Variants in OR2AJ1 observed in about 807,000 individuals in gnomAD.
OR2AJ1 encodes olfactory receptor 2AJ1.
For synonymous variants in OR2AJ1, 105 were observed against 60.3 expected, an observed-to-expected ratio of 1.74 and a Z score of -3.44; for missense variants, 280 against 163.2, an observed-to-expected ratio of 1.72 and a Z score of -3.90.
intron 1 of OR2AJ1, among the ~76,000 whole-genome samples, chr1:247,928,564 T>G (rs753725958): frequency 8.5e-5 from 13 of 152,184 alleles, no homozygotes; most frequent in Non-Finnish European, 1.6e-4. Context: ...GTCTTAGAGA[T>G]AAAATCTTTT....
At chr1:247,932,416 G>T (rs192327987) in intron 1 of OR2AJ1, among the ~76,000 whole-genome samples, 51 of 152,226 alleles carry the variant, frequency 3.4e-4, no homozygotes, top group Non-Finnish European at 2.4e-4. Flanking sequence ...CTTCATTGAG[G>T]TGCTTATCTT....
intron 1 of OR2AJ1, among the ~76,000 whole-genome samples, chr1:247,926,005 A>G (rs977098809): frequency 4.6e-5 from 7 of 152,190 alleles, no homozygotes; most frequent in African/African-American, 1.7e-4. Flanking sequence ...TATAATCTGC[A>G]TACATACATA....
chr1:247,929,961 C>G (rs116059743), intron 1 of OR2AJ1, among the ~76,000 whole-genome samples: 4,385 of 152,180 alleles, frequency 0.029, 176 homozygotes, highest in African/African-American at 0.092. Context: ...CATGTCTGCT[C>G]TAGATAAAGT....
At position 247,934,132 on chromosome 1, in the gene OR2AJ1, C is replaced by T. The variant is rs866152293; in HGVS notation, c.364C>T (p.Arg122Cys). Residue 122 changes from arginine to cysteine, a missense_variant, in exon 2 of 2, where the codon CGC becomes TGC. Coordinates refer to ENST00000318244, the MANE Select transcript of OR2AJ1 (RefSeq NM_001355235.2). ...CLLLAAMSCD[R>C]YVAICHPLRY... Reference sequence around the variant, plus strand: ...TCTCCTGGCTGCAATGTCCTGTGATCGCTATGTGGCTATCTGTCACCCGCT... The same window carrying T: ...TCTCCTGGCTGCAATGTCCTGTGATTGCTATGTGGCTATCTGTCACCCGCT... 2.8e-6 allele frequency: 2 copies of T among 718,878 alleles called. No homozygotes were observed. Among genetic ancestry groups the T allele is most frequent in the Non-Finnish European group, 5.2e-6 (2 of 385,768 alleles). 44.5% of individuals were successfully genotyped at this position (718,878 alleles called of 1,614,324 possible).
At chr1:247,932,943 C>T (rs1660170052) in intron 1 of OR2AJ1, among the ~76,000 whole-genome samples, 1 of 152,140 alleles carries the variant, frequency 6.6e-6, no homozygotes, top group African/African-American at 2.4e-5. Context: ...ATATGAAATA[C>T]AACCTTAAAG....
Position 247,934,985 on chromosome 1 carries a change from C to A in OR2AJ1, c.*230C>A, listed in dbSNP as rs1572612527. 5.0e-6 allele frequency: 2 copies of A among 399,580 alleles called. No individual in the cohort carries two copies. Among genetic ancestry groups the A allele is most frequent in the South Asian group, 6.0e-5 (1 of 16,770 alleles). The allele number at this position is 399,580 out of a possible 1,614,324, so 24.8% of individuals were successfully genotyped here. On this transcript the variant is annotated 3_prime_UTR_variant, in exon 2 of 2. Coordinates refer to ENST00000318244, the MANE Select transcript of OR2AJ1 (RefSeq NM_001355235.2). The stretch of plus-strand genomic sequence containing the variant: ...CCCAAGGCGTCCTATTCCCTAACAC[C>A]AAAATTGTAAGACTTATGAGAATAT...
chr1:247,934,892 C>T lies in OR2AJ1; in HGVS notation c.*137C>T. The T allele has an allele frequency of 1.7e-6, 1 of 576,340 alleles. No individual in the cohort carries two copies. Among genetic ancestry groups the T allele is most frequent in the Non-Finnish European group, 3.1e-6 (1 of 327,860 alleles). 35.7% of individuals were successfully genotyped at this position (576,340 alleles called of 1,614,324 possible). On this transcript the variant is annotated 3_prime_UTR_variant, in exon 2 of 2. Coordinates refer to ENST00000318244, the MANE Select transcript of OR2AJ1 (RefSeq NM_001355235.2). ...GTGTTTGTGTTGTAAACACGTACCT[C>T]TAAAAATGTAGTGTTCCTTCTGTGG...
chr1:247,933,182 T>C (rs1333441739), intron 1 of OR2AJ1, among the ~76,000 whole-genome samples: 3 of 152,246 alleles, frequency 2.0e-5, no homozygotes, highest in Non-Finnish European at 4.4e-5. Flanking sequence ...TCAACATTCT[T>C]GAGCAACTGC....
intron 1 of OR2AJ1, among the ~76,000 whole-genome samples, chr1:247,930,845 A>G (rs978231399): frequency 3.3e-5 from 5 of 152,196 alleles, no homozygotes; most frequent in Non-Finnish European, 5.9e-5. Flanking sequence ...CTTCTTTTGT[A>G]TTAAACTTAG....
intron 1 of OR2AJ1, among the ~76,000 whole-genome samples, chr1:247,925,731 ACTT>A (rs1011809366): frequency 2.6e-5 from 4 of 152,256 alleles, no homozygotes; most frequent in African/African-American, 9.6e-5. Flanking sequence ...CAGGGAATTA[ACTT>A]AATTGTCATT....
rs1660185275 is a variant in OR2AJ1 at position 247,934,042 on chromosome 1, A to G, written c.274A>G (p.Ile92Val). ...TAACTTTCTGTCAGGCAGCAGAACT[A>G]TTTCATTTGCAGGTTGTGGGTTCCA... Reference protein sequence around the residue: ...VTNFLSGSRTISFAGCGFQVF... With the variant: ...VTNFLSGSRTVSFAGCGFQVF... The change falls in exon 2 of 2, where the codon ATT (isoleucine) becomes GTT (valine). Residue 92 changes from isoleucine (I) to valine (V), a missense_variant. By Grantham distance (29) the Ile-to-Val change is conservative. Coordinates refer to ENST00000318244, the MANE Select transcript of OR2AJ1 (RefSeq NM_001355235.2). The G allele has an allele frequency of 1.4e-6, 1 of 717,438 alleles. No individual in the cohort carries two copies. The highest frequency in any genetic ancestry group is 2.6e-6 in the Non-Finnish European group (1 of 385,124). The allele number at this position is 717,438 out of a possible 1,614,324, so 44.4% of individuals were successfully genotyped here. A position where few individuals can be genotyped will look rare whatever the true frequency, so the allele number is the denominator to read the frequency against.
At chr1:247,929,892 T>C (rs76443185) in intron 1 of OR2AJ1, among the ~76,000 whole-genome samples, 3,406 of 152,304 alleles carry the variant, frequency 0.022, 44 homozygotes, top group Non-Finnish European at 0.032. Flanking sequence ...ATAAAATGTT[T>C]GAGTCAATAG....
At chr1:247,929,663 A>C (rs1660131662) in intron 1 of OR2AJ1, among the ~76,000 whole-genome samples, 1 of 150,268 alleles carries the variant, frequency 6.7e-6, no homozygotes, top group Non-Finnish European at 1.5e-5. Flanking sequence ...AGTCTCATCT[A>C]ATATTCAAAA....
rs1416166080 is a variant in OR2AJ1 at position 247,934,732 on chromosome 1, G to A, written c.964G>A (p.Val322Met). The A allele has an allele frequency of 1.4e-6, 1 of 709,744 alleles. No homozygotes were observed. The highest frequency in any genetic ancestry group is 2.6e-6 in the Non-Finnish European group (1 of 383,864). The allele number at this position is 709,744 out of a possible 1,614,324, so 44.0% of individuals were successfully genotyped here. The change falls in exon 2 of 2, where the codon GTG (valine) becomes ATG (methionine). Residue 322 changes from valine (V) to methionine (M), a missense_variant. Physicochemically the swap from Val to Met is conservative, Grantham distance 21. Transcript: ENST00000318244. ...KKMNRKIPEC[V>M]FCLFLC The stretch of plus-strand genomic sequence containing the variant: ...AATGAATAGGAAAATTCCTGAATGT[G>A]TGTTCTGTCTATTTCTATGTTAAAT...
rs979371201 is a variant in OR2AJ1, at chr1:247,933,507, A to T, written c.-22-240A>T. Among the ~76,000 whole-genome samples, 7 of 152,194 alleles carry T rather than the reference A, an allele frequency of 4.6e-5. No homozygotes were observed. In the South Asian group the frequency reaches 8.3e-4, roughly 18 times the overall value. ...AGTAAATTATGTGGAATTAATTAAGATTATGAGACTCAAGATGGAGCCAAG... is the reference window on the plus strand; with the variant it reads ...AGTAAATTATGTGGAATTAATTAAGTTTATGAGACTCAAGATGGAGCCAAG... On this transcript the variant is annotated intron_variant, in intron 1 of 1. Transcript: ENST00000318244.
chr1:247,927,785 C>G (rs1212879662), intron 1 of OR2AJ1, among the ~76,000 whole-genome samples: 1 of 152,144 alleles, frequency 6.6e-6, no homozygotes. Flanking sequence ...ATACATCCTT[C>G]TGTGCCCTGG....
At chr1:247,932,460 T>C (rs541611091) in intron 1 of OR2AJ1, among the ~76,000 whole-genome samples, 16 of 152,244 alleles carry the variant, frequency 1.1e-4, no homozygotes, top group Non-Finnish European at 2.1e-4. Flanking sequence ...ACACAACTGT[T>C]GTTATTCAAG....
chr1:247,935,210 A>G lies in OR2AJ1; in HGVS notation c.*455A>G, dbSNP rs1660204910. On this transcript the variant is annotated 3_prime_UTR_variant, in exon 2 of 2. Transcript: ENST00000318244. ...TACACATATATATGCACACACACAT[A>G]TATATGTACACACATATATACAGAT... 1 of 160,712 alleles carries G rather than the reference A, an allele frequency of 6.2e-6. No individual in the cohort carries two copies. Among genetic ancestry groups the G allele is most frequent in the African/African-American group, 2.4e-5 (1 of 41,466 alleles). The allele number at this position is 160,712 out of a possible 1,614,324, so 10.0% of individuals were successfully genotyped here.
At chr1:247,929,758 T>A (rs527549422) in intron 1 of OR2AJ1, among the ~76,000 whole-genome samples, 78 of 152,288 alleles carry the variant, frequency 5.1e-4, no homozygotes, top group African/African-American at 1.8e-3. Context: ...TCAGATATAA[T>A]TTCATATCTG....
Sources: allele counts gnomAD v4.1 joint callset (sites outside exome capture counted in the v4.1 genomes callset), GRCh38; gene constraint gnomAD v4.1.1; transcripts MANE v1.5; gene names NCBI Gene and HGNC (gene_info 2026-07-23, HGNC 2026-07-21).